Variants in NRG3 observed in about 807,000 individuals in gnomAD.
NRG3 encodes pro-neuregulin-3, membrane-bound isoform.
In NRG3, 31 loss-of-function variants were observed where a neutral mutation model predicts 66.9. That is an observed-to-expected ratio of 0.46 (90% CI 0.35 to 0.63). NRG3 has a LOEUF of 0.63. Ranked by LOEUF, NRG3 falls within the 20% of genes least tolerant of loss-of-function variation. The pLI, the probability that NRG3 is intolerant of heterozygous loss-of-function variation, is 0.00. For missense variants in NRG3, 910 were observed against 878.9 expected (o/e 1.04, Z -0.45); for synonymous variants, 393 against 359.4 (o/e 1.09, Z -1.06).
chr10:82,355,803 A>G (rs2083739233), intron 1 of NRG3, among the ~76,000 whole-genome samples: 1 of 152,226 alleles, frequency 6.6e-6, no homozygotes, highest in Non-Finnish European at 1.5e-5. Context: ...TAGATAATAT[A>G]TAGTAAAATG....
intron 2 of NRG3, among the ~76,000 whole-genome samples, chr10:82,387,497 A>G (rs1393290173): frequency 6.6e-6 from 1 of 152,238 alleles, no homozygotes. Flanking sequence ...TCAGAATGCC[A>G]GTGAATGTAC....
At chr10:82,962,161 C>T (rs1030194639) in intron 6 of NRG3, among the ~76,000 whole-genome samples, 2 of 152,196 alleles carry the variant, frequency 1.3e-5, no homozygotes, top group South Asian at 4.1e-4. Flanking sequence ...ATTACCCTCC[C>T]TGAGAAGCAT....
rs1205526302 is a variant in NRG3, at chr10:82,955,993, A to G, written c.1158-2956A>G. ...CTGAGGTTTTCACTGAGACTGTATC[A>G]CATTCCAACTTCTCCCCAGCCCAAT... On this transcript the variant is annotated intron_variant, in intron 5 of 8. Coordinates refer to ENST00000372141, the MANE Select transcript of NRG3 (RefSeq NM_001010848.4). Among the ~76,000 whole-genome samples, 3 of 151,844 alleles carry G rather than the reference A, an allele frequency of 2.0e-5. 1 individual carries two copies. The highest frequency in any genetic ancestry group is 7.3e-5 in the African/African-American group (3 of 41,130).
intron 2 of NRG3, among the ~76,000 whole-genome samples, chr10:82,638,250 T>A (rs2050330572): frequency 6.6e-6 from 1 of 152,220 alleles, no homozygotes; most frequent in Non-Finnish European, 1.5e-5. Context: ...CCGATTTCCA[T>A]GCCATGTTCA....
intron 1 of NRG3, among the ~76,000 whole-genome samples, chr10:81,914,769 C>CAAAAAAAAAAAAAAAAA (rs58460918): frequency 6.0e-5 from 4 of 67,178 alleles, no homozygotes; most frequent in Admixed American, 1.7e-4. Context: ...AAACAGAAAG[C>CAAAAAAAAAAAAAAAAA]AAAAAAAAAA....
intron 2 of NRG3, among the ~76,000 whole-genome samples, chr10:82,398,665 A>G (rs1033504797): frequency 9.9e-5 from 15 of 152,090 alleles, no homozygotes; most frequent in African/African-American, 3.6e-4. Flanking sequence ...GCTTCAGAAA[A>G]CGGGAAAGGT....
chr10:82,271,665 C>G (rs958436006), intron 1 of NRG3, among the ~76,000 whole-genome samples: 19 of 152,150 alleles, frequency 1.2e-4, no homozygotes, highest in Middle Eastern at 3.4e-3. Context: ...TTACTGTTTT[C>G]CTGCACCAAC....
At chr10:82,885,853 C>T (rs1174572288) in intron 4 of NRG3, among the ~76,000 whole-genome samples, 1 of 151,084 alleles carries the variant, frequency 6.6e-6, no homozygotes, top group East Asian at 2.0e-4. Flanking sequence ...TGAGCCACCG[C>T]GCCTGGCCTA....
chr10:82,732,212 A>G (rs556790374), intron 2 of NRG3, among the ~76,000 whole-genome samples: 8 of 152,300 alleles, frequency 5.3e-5, no homozygotes, highest in Middle Eastern at 6.8e-3. Flanking sequence ...CCCATAGTTG[A>G]TGAGTGTCTT....
At chr10:82,050,868 C>T in intron 1 of NRG3, among the ~76,000 whole-genome samples, 1 of 120,290 alleles carries the variant, frequency 8.3e-6, no homozygotes. Flanking sequence ...TCATCTTTAC[C>T]CTGGTCATTT....
At chr10:82,627,245 C>CCTGA (rs1465528155) in intron 2 of NRG3, among the ~76,000 whole-genome samples, 1 of 152,026 alleles carries the variant, frequency 6.6e-6, no homozygotes, top group Non-Finnish European at 1.5e-5. Context: ...GCTGAAAATG[C>CCTGA]CTGACTTCTC....
At chr10:82,950,750 A>G (rs916058094) in intron 4 of NRG3, among the ~76,000 whole-genome samples, 2 of 152,204 alleles carry the variant, frequency 1.3e-5, no homozygotes, top group African/African-American at 4.8e-5. Flanking sequence ...TCTTGATGAG[A>G]TGGAAGAATT....
chr10:82,364,921 G>C (rs541971257), intron 2 of NRG3, among the ~76,000 whole-genome samples: 2 of 152,192 alleles, frequency 1.3e-5, no homozygotes, highest in Non-Finnish European at 2.9e-5. Flanking sequence ...AGGAGTTGGG[G>C]AGTGGGGGCA....
At chr10:82,905,089 C>A (rs1156843772) in intron 4 of NRG3, among the ~76,000 whole-genome samples, 1 of 152,130 alleles carries the variant, frequency 6.6e-6, no homozygotes, top group East Asian at 1.9e-4. Context: ...TAGCAAGTAG[C>A]ATTTTAAAAA....
chr10:82,011,456 A>T (rs371088668), intron 1 of NRG3, among the ~76,000 whole-genome samples: 1 of 152,016 alleles, frequency 6.6e-6, no homozygotes, highest in Non-Finnish European at 1.5e-5. Context: ...CTCAAATCTC[A>T]TGTCCTCACA....
intron 2 of NRG3, among the ~76,000 whole-genome samples, chr10:82,389,062 C>T (rs1403360084): frequency 6.6e-6 from 1 of 152,152 alleles, no homozygotes; most frequent in Non-Finnish European, 1.5e-5. Context: ...AACTGGTTAG[C>T]ACATGATGGC....
chr10:82,480,650 C>A (rs1228300417), intron 2 of NRG3, among the ~76,000 whole-genome samples: 3 of 152,208 alleles, frequency 2.0e-5, no homozygotes, highest in Non-Finnish European at 4.4e-5. Context: ...CCACTCTGCT[C>A]TGATTAGCTC....
chr10:82,101,155 T>C (rs1381404198), intron 1 of NRG3, among the ~76,000 whole-genome samples: 1 of 151,942 alleles, frequency 6.6e-6, no homozygotes, highest in Non-Finnish European at 1.5e-5. Context: ...TTAATGTCCA[T>C]AAGGTCTCAG....
intron 1 of NRG3, among the ~76,000 whole-genome samples, chr10:82,106,338 C>A (rs1013166475): frequency 2.5e-4 from 38 of 152,210 alleles, no homozygotes; most frequent in African/African-American, 9.1e-4. Context: ...AGAAGTTAGA[C>A]CCAGGAGGGT....
Sources: allele counts gnomAD v4.1 joint callset (sites outside exome capture counted in the v4.1 genomes callset), GRCh38; gene constraint gnomAD v4.1.1; transcripts MANE v1.5; gene names NCBI Gene and HGNC (gene_info 2026-07-23, HGNC 2026-07-21).